The following RCL1 variants were observed in gnomAD, a reference collection of about 807,000 sequenced individuals.
RCL1 encodes the protein RNA 3'-terminal phosphate cyclase-like protein.
In RCL1, 24 loss-of-function variants were observed where a neutral mutation model predicts 42.4. That is an observed-to-expected ratio of 0.57 (90% confidence interval 0.41 to 0.80). The LOEUF (loss-of-function observed/expected upper bound fraction) is 0.80. Ranked by LOEUF, RCL1 falls within the 30% of genes least tolerant of loss-of-function variation. The pLI is 0.00. For synonymous variants in RCL1, 228 were observed against 177.3 expected, an observed-to-expected ratio of 1.29 and a Z score of -2.27; for missense variants, 578 against 467.9, an observed-to-expected ratio of 1.24 and a Z score of -2.17.
At chr9:4,829,303 A>T (rs1303367700) in intron 3 of RCL1, among the ~76,000 whole-genome samples, 1 of 152,178 alleles carries the variant, frequency 6.6e-6, no homozygotes, top group Non-Finnish European at 1.5e-5. Flanking sequence ...TGGAGATGGA[A>T]GGAGAACGGA....
chr9:4,798,055 C>T (rs949831922), intron 1 of RCL1, among the ~76,000 whole-genome samples: 1 of 151,980 alleles, frequency 6.6e-6, no homozygotes, highest in Non-Finnish European at 1.5e-5. Context: ...AAAGCCAACC[C>T]GTAGTTAGGT....
At chr9:4,804,206 G>C (rs1010970017) in intron 1 of RCL1, 2 of 152,828 alleles carry the variant, frequency 1.3e-5, no homozygotes, top group South Asian at 4.1e-4. Flanking sequence ...CAGGGTGACA[G>C]TCCCTGCTGC....
At chr9:4,798,055 CGTAGTTAGGTAAG>C (rs1377564343) in intron 1 of RCL1, among the ~76,000 whole-genome samples, 1 of 151,980 alleles carries the variant, frequency 6.6e-6, no homozygotes, top group Admixed American at 6.6e-5. Context: ...AAAGCCAACC[CGTAGTTAGGTAAG>C]ATAGTTGGTG....
At chr9:4,814,169 A>G (rs1399508695) in intron 1 of RCL1, among the ~76,000 whole-genome samples, 2 of 139,714 alleles carry the variant, frequency 1.4e-5, no homozygotes, top group African/African-American at 5.1e-5. Context: ...ATAAAATAAA[A>G]TTTCCCCCAT....
Position 4,854,148 on chromosome 9 carries a change from T to C in RCL1, c.971+4598T>C, listed in dbSNP as rs78096297. 1.9e-4 allele frequency among the ~76,000 whole-genome samples: 29 copies of C among 152,236 alleles called. No individual in the cohort carries two copies. In the East Asian group the frequency reaches 5.4e-3, roughly 28 times the overall value. ...GCAAGTGATAGCCTTCCTTCTCAGA[T>C]AAAAAAGAGGTCACTGACCTGCTTA... On this transcript the variant is annotated intron_variant, in intron 8 of 8. Coordinates refer to ENST00000381750, the MANE Select transcript of RCL1 (RefSeq NM_005772.5).
chr9:4,843,583 G>A (rs1210170329), intron 6 of RCL1, among the ~76,000 whole-genome samples: 1 of 152,042 alleles, frequency 6.6e-6, no homozygotes, highest in African/African-American at 2.4e-5. Flanking sequence ...TATATTCTTT[G>A]TCTTTTCTAA....
intron 5 of RCL1, chr9:4,839,593 A>C (rs1322701243): frequency 1.1e-6 from 1 of 891,470 alleles, no homozygotes; most frequent in East Asian, 1.2e-4. Context: ...TGTTTGTCTA[A>C]GCTGTCTGTG....
At chr9:4,806,045 TTTG>T (rs1815945031) in intron 1 of RCL1, among the ~76,000 whole-genome samples, 23 of 142,190 alleles carry the variant, frequency 1.6e-4, no homozygotes, top group African/African-American at 6.0e-4. Flanking sequence ...TGTGTGTGTG[TTTG>T]TGTGTGTGTG....
At chr9:4,827,779 T>TGTGA (rs535050124) in intron 3 of RCL1, among the ~76,000 whole-genome samples, 5 of 149,532 alleles carry the variant, frequency 3.3e-5, no homozygotes, top group South Asian at 4.2e-4. Context: ...TGTGTGTGTG[T>TGTGA]GAGAGAGAGA....
At chr9:4,850,493 CTTTTTTTTTTT>C (rs35181848) in intron 8 of RCL1, 80 of 136,954 alleles carry the variant, frequency 5.8e-4, no homozygotes, top group Middle Eastern at 0.01. Flanking sequence ...TTTTTTTTTT[CTTTTTTTTTTT>C]TTTTTTGGAA....
intron 5 of RCL1, 56 bp from the exon 6 acceptor site, chr9:4,841,176 G>T (rs749495021): frequency 6.2e-7 from 1 of 1,605,286 alleles, no homozygotes; most frequent in South Asian, 1.1e-5. Context: ...CTTTATAACT[G>T]ATTTTTCTCT....
chr9:4,826,663 G>A lies in RCL1; in HGVS notation c.209-195G>A, dbSNP rs144782467. Among the ~76,000 whole-genome samples the A allele has an allele frequency of 1.1e-4, 17 of 152,318 alleles. No individual in the cohort carries two copies. In the East Asian group the frequency reaches 3.3e-3, roughly 29 times the overall value. On this transcript the variant is annotated intron_variant, in intron 2 of 8. Coordinates refer to ENST00000381750, the MANE Select transcript of RCL1 (RefSeq NM_005772.5). ...TACTGATTATTAAATTACATTCACA[G>A]TTTATTATTGTTACAGGGGCTTGAC...
chr9:4,832,349 C>G (rs541311810), intron 3 of RCL1, among the ~76,000 whole-genome samples: 2 of 152,340 alleles, frequency 1.3e-5, no homozygotes, highest in East Asian at 3.9e-4. Flanking sequence ...TTCCCTTTAG[C>G]TGCCTGTGTG....
chr9:4,815,684 C>T (rs1411970291), intron 1 of RCL1, among the ~76,000 whole-genome samples: 3 of 151,988 alleles, frequency 2.0e-5, no homozygotes, highest in Non-Finnish European at 4.4e-5. Flanking sequence ...AGACACACTC[C>T]AGCCATAGTT....
chr9:4,801,944 C>G (rs1362954815), intron 1 of RCL1, among the ~76,000 whole-genome samples: 1 of 152,000 alleles, frequency 6.6e-6, no homozygotes, highest in East Asian at 1.9e-4. Flanking sequence ...CGGAATCTCG[C>G]TCTGTTGCCG....
intron 1 of RCL1, among the ~76,000 whole-genome samples, chr9:4,814,814 G>A (rs1263671797): frequency 1.3e-5 from 2 of 151,878 alleles, no homozygotes; most frequent in Admixed American, 1.3e-4. Context: ...CTGGCTAATA[G>A]TAATGAATTT....
intron 5 of RCL1, among the ~76,000 whole-genome samples, chr9:4,837,237 A>G (rs376753865): frequency 2.0e-5 from 3 of 152,252 alleles, no homozygotes; most frequent in African/African-American, 7.2e-5. Context: ...CCATATATAG[A>G]ACCCAAAATC....
intron 7 of RCL1, among the ~76,000 whole-genome samples, chr9:4,847,130 C>T (rs754738924): frequency 2.0e-5 from 3 of 152,122 alleles, no homozygotes; most frequent in East Asian, 1.9e-4. Flanking sequence ...CCACCCGCCT[C>T]GGCCTCCCAA....
chr9:4,798,018 T>C (rs1032700796), intron 1 of RCL1, among the ~76,000 whole-genome samples: 1 of 152,256 alleles, frequency 6.6e-6, no homozygotes, highest in Admixed American at 6.5e-5. Context: ...TATTTTTTCT[T>C]GTTGCTGCTG....
Sources: gnomAD v4.1 joint callset for allele counts (sites outside exome capture counted in the v4.1 genomes callset) on GRCh38, gnomAD v4.1.1 for gene constraint, MANE v1.5 for transcripts, NCBI Gene and HGNC (gene_info 2026-07-23, HGNC 2026-07-21) for gene names.